Variants in LRRTM4 observed in about 807,000 individuals in gnomAD.
The protein encoded by LRRTM4 is leucine-rich repeat transmembrane neuronal protein 4.
In LRRTM4, 25 loss-of-function variants were observed where a neutral mutation model predicts 47.6. The ratio of observed to expected loss-of-function variants is 0.53; its 90% CI spans 0.38 to 0.73. The LOEUF (loss-of-function observed/expected upper bound fraction) is 0.73, where lower values mean the gene tolerates loss of function less well. Ranked by LOEUF, LRRTM4 falls within the 30% of genes least tolerant of loss-of-function variation. The pLI, the probability that LRRTM4 is intolerant of heterozygous loss-of-function variation, is 0.00. For synonymous variants in LRRTM4, 311 were observed against 269.5 expected (o/e 1.15, Z -1.51); for missense variants, 638 against 713.4 (o/e 0.89, Z 1.20).
intron 3 of LRRTM4, among the ~76,000 whole-genome samples, chr2:76,781,315 A>G (rs984051236): frequency 6.8e-6 from 1 of 146,340 alleles, no homozygotes; most frequent in Non-Finnish European, 1.5e-5. Flanking sequence ...TGTTTACCTA[A>G]TCAAGCCTGT....
chr2:77,434,489 G>A (rs925235811), intron 3 of LRRTM4, among the ~76,000 whole-genome samples: 4 of 151,586 alleles, frequency 2.6e-5, no homozygotes, highest in Non-Finnish European at 4.4e-5. Flanking sequence ...TTAACAAATG[G>A]CTAATTTTCT....
intron 3 of LRRTM4, among the ~76,000 whole-genome samples, chr2:76,942,366 C>G (rs1328108515): frequency 6.6e-6 from 1 of 151,966 alleles, no homozygotes; most frequent in Non-Finnish European, 1.5e-5. Flanking sequence ...TGGTTAAACA[C>G]ATTTTAAAAG....
chr2:76,911,471 G>T (rs1204653867), intron 3 of LRRTM4, among the ~76,000 whole-genome samples: 11 of 152,096 alleles, frequency 7.2e-5, no homozygotes, highest in Admixed American at 4.6e-4. Context: ...TTCCCATCAA[G>T]AATTTCAAAA....
chr2:76,836,994 T>A (rs1249724357), intron 3 of LRRTM4, among the ~76,000 whole-genome samples: 4 of 152,144 alleles, frequency 2.6e-5, no homozygotes, highest in Admixed American at 2.6e-4. Flanking sequence ...GTTACTCAAA[T>A]ATTAAGTTGG....
intron 3 of LRRTM4, among the ~76,000 whole-genome samples, chr2:76,959,905 C>G (rs960668362): frequency 6.6e-5 from 10 of 151,570 alleles, no homozygotes; most frequent in Admixed American, 2.0e-4. Flanking sequence ...AAAATCTCTA[C>G]AAGTATGCTG....
chr2:76,795,594 C>CATACATACATAT (rs59362311), intron 3 of LRRTM4, among the ~76,000 whole-genome samples: 1 of 151,598 alleles, frequency 6.6e-6, no homozygotes, highest in African/African-American at 2.4e-5. Context: ...CACACACATA[C>CATACATACATAT]ACACACACTA....
At chr2:77,381,102 T>C (rs1010741546) in intron 3 of LRRTM4, among the ~76,000 whole-genome samples, 1 of 152,072 alleles carries the variant, frequency 6.6e-6, no homozygotes, top group Non-Finnish European at 1.5e-5. Flanking sequence ...ATAAAGCAGT[T>C]ATTTTGATTA....
intron 3 of LRRTM4, among the ~76,000 whole-genome samples, chr2:77,264,597 A>T (rs561999445): frequency 6.6e-6 from 1 of 152,222 alleles, no homozygotes; most frequent in East Asian, 1.9e-4. Flanking sequence ...TAAATACCTC[A>T]TTCAGTAGAA....
intron 3 of LRRTM4, among the ~76,000 whole-genome samples, chr2:76,773,439 T>G (rs1673801624): frequency 6.6e-6 from 1 of 152,184 alleles, no homozygotes; most frequent in Non-Finnish European, 1.5e-5. Flanking sequence ...TTGACAAAAC[T>G]CATAACATTT....
intron 3 of LRRTM4, among the ~76,000 whole-genome samples, chr2:77,144,089 G>A (rs1672194796): frequency 6.6e-6 from 1 of 152,140 alleles, no homozygotes; most frequent in Admixed American, 6.5e-5. Context: ...CTGTGATGAA[G>A]GCCCAATTAT....
chr2:76,828,944 T>C (rs748920240), intron 3 of LRRTM4, among the ~76,000 whole-genome samples: 53 of 152,088 alleles, frequency 3.5e-4, no homozygotes, highest in Non-Finnish European at 6.9e-4. Context: ...TGTAATTTCA[T>C]ACCATGAAAT....
intron 3 of LRRTM4, among the ~76,000 whole-genome samples, chr2:77,368,130 C>T (rs898153803): frequency 6.6e-6 from 1 of 151,504 alleles, no homozygotes; most frequent in Non-Finnish European, 1.5e-5. Flanking sequence ...GGAAAACCAG[C>T]TTTCTGTTGT....
rs572566280 is a variant in LRRTM4 at position 77,489,748 on chromosome 2, T to C, written c.1551+28570A>G. ...TACAAAACCTAATATTAGAGAACCA[T>C]GCCACAAAGAAAACTGGACAGCAAA... On this transcript the variant is annotated intron_variant, in intron 3 of 3. Transcript: ENST00000409884. 5.9e-4 allele frequency among the ~76,000 whole-genome samples: 90 copies of C among 152,310 alleles called. 1 individual carries two copies. Among genetic ancestry groups the C allele is most frequent in the Non-Finnish European group, 9.8e-4 (67 of 68,028 alleles).
At chr2:77,129,359 G>A (rs1305111771) in intron 3 of LRRTM4, among the ~76,000 whole-genome samples, 1 of 152,180 alleles carries the variant, frequency 6.6e-6, no homozygotes, top group Non-Finnish European at 1.5e-5. Context: ...TTACAGTTAT[G>A]ATACCATCTG....
At chr2:77,243,748 C>A (rs1281379054) in intron 3 of LRRTM4, among the ~76,000 whole-genome samples, 1 of 142,360 alleles carries the variant, frequency 7.0e-6, no homozygotes, top group Non-Finnish European at 1.5e-5. Flanking sequence ...ATAATTGATA[C>A]CATATCCCTT....
At chr2:77,012,406 C>A (rs574162577) in intron 3 of LRRTM4, among the ~76,000 whole-genome samples, 3 of 151,964 alleles carry the variant, frequency 2.0e-5, no homozygotes, top group Non-Finnish European at 4.4e-5. Flanking sequence ...GCCTAACAAG[C>A]GTGTATTTGT....
At chr2:76,987,709 A>G (rs1676852252) in intron 3 of LRRTM4, among the ~76,000 whole-genome samples, 1 of 151,852 alleles carries the variant, frequency 6.6e-6, no homozygotes, top group Admixed American at 6.6e-5. Context: ...TTTGCTCCAC[A>G]CAGTTTCTCG....
intron 3 of LRRTM4, among the ~76,000 whole-genome samples, chr2:77,020,700 GAGA>G (rs758655015): frequency 1.8e-4 from 27 of 152,232 alleles, no homozygotes; most frequent in Admixed American, 7.8e-4. Context: ...GAAGCAGCCT[GAGA>G]AGGTCAAGTA....
At chr2:77,257,362 C>G (rs151109201) in intron 3 of LRRTM4, among the ~76,000 whole-genome samples, 55 of 150,900 alleles carry the variant, frequency 3.6e-4, no homozygotes, top group African/African-American at 1.1e-3. Context: ...TCACAGAGTG[C>G]AAAATAAACT....
Sources: gnomAD v4.1 joint callset for allele counts (sites outside exome capture counted in the v4.1 genomes callset) on GRCh38, gnomAD v4.1.1 for gene constraint, MANE v1.5 for transcripts, NCBI Gene and HGNC (gene_info 2026-07-23, HGNC 2026-07-21) for gene names.